Variants in NPSR1 observed in about 807,000 individuals in gnomAD.
NPSR1 encodes neuropeptide S receptor.
NPSR1 carries 48 observed loss-of-function variants against 46.9 expected under a neutral mutation model. The ratio of observed to expected loss-of-function variants is 1.02; its 90% CI spans 0.81 to 1.30. The LOEUF (loss-of-function observed/expected upper bound fraction) is 1.30. Among genes scored for constraint, NPSR1 ranks in the 50% most tolerant of loss-of-function variants. NPSR1 has a pLI of 0.00. For synonymous variants in NPSR1, 176 were observed against 168.1 expected (o/e 1.05, Z -0.36); for missense variants, 450 against 449.5 (o/e 1.00, Z -0.01).
intron 2 of NPSR1, among the ~76,000 whole-genome samples, chr7:34,742,800 G>A (rs1419762105): frequency 6.6e-6 from 1 of 152,074 alleles, no homozygotes; most frequent in Non-Finnish European, 1.5e-5. Context: ...CCTTTTCTCT[G>A]CAACGTCACC....
At chr7:34,736,526 A>G (rs184290631) in intron 2 of NPSR1, among the ~76,000 whole-genome samples, 2 of 152,248 alleles carry the variant, frequency 1.3e-5, no homozygotes, top group East Asian at 3.9e-4. Context: ...TGGCGAACAA[A>G]GCTGGAAACA....
At chr7:34,823,418 AAC>A (rs1789668543) in intron 4 of NPSR1, among the ~76,000 whole-genome samples, 2 of 120,948 alleles carry the variant, frequency 1.7e-5, no homozygotes, top group African/African-American at 4.2e-5. Context: ...AAAAAAAAAC[AAC>A]ACCATAAATG....
intron 2 of NPSR1, chr7:34,751,316 T>C (rs867046288): frequency 5.0e-6 from 5 of 1,007,130 alleles, no homozygotes; most frequent in South Asian, 3.8e-5. Context: ...AAAGTGGTAC[T>C]GATCATGCAG....
chr7:34,867,604 A>G (rs542289429), intron 8 of NPSR1, among the ~76,000 whole-genome samples: 6 of 152,014 alleles, frequency 3.9e-5, no homozygotes, highest in African/African-American at 9.7e-5. Flanking sequence ...AAGTAGTGTC[A>G]TCTTTCTTCC....
chr7:34,792,717 A>ATATATATGTATATATATATTTT (rs1787982409), intron 3 of NPSR1, among the ~76,000 whole-genome samples: 1 of 105,034 alleles, frequency 9.5e-6, no homozygotes, highest in Admixed American at 1.2e-4. Flanking sequence ...ATATATATTT[A>ATATATATGTATATATATATTTT]TATATATATA....
intron 2 of NPSR1, among the ~76,000 whole-genome samples, chr7:34,689,371 C>T (rs1275569193): frequency 1.3e-5 from 2 of 151,048 alleles, no homozygotes; most frequent in African/African-American, 4.9e-5. Flanking sequence ...TTTGGGAGGC[C>T]AAGGCGGGCA....
intron 2 of NPSR1, among the ~76,000 whole-genome samples, chr7:34,695,034 A>G (rs144376527): frequency 3.7e-4 from 57 of 152,310 alleles, no homozygotes; most frequent in East Asian, 2.1e-3. Flanking sequence ...AAGCAAAAGA[A>G]AAAATCCAGA....
chr7:34,868,908 C>T (rs1453601375), intron 8 of NPSR1, among the ~76,000 whole-genome samples: 1 of 151,610 alleles, frequency 6.6e-6, no homozygotes, highest in African/African-American at 2.4e-5. Flanking sequence ...TGGCCCGGGG[C>T]AACAAACTGG....
At chr7:34,685,749 A>C (rs184868916) in intron 2 of NPSR1, 2 of 403,312 alleles carry the variant, frequency 5.0e-6, no homozygotes, top group Admixed American at 3.1e-5. Context: ...TTTCTAACAA[A>C]GTATAACAAG....
intron 8 of NPSR1, among the ~76,000 whole-genome samples, chr7:34,872,977 G>A (rs1791493448): frequency 6.7e-6 from 1 of 150,176 alleles, no homozygotes; most frequent in Admixed American, 6.6e-5. Context: ...GCTGTTTGAA[G>A]CAACTAGGCC....
intron 1 of NPSR1, among the ~76,000 whole-genome samples, chr7:34,662,039 A>T (rs1438157702): frequency 6.6e-6 from 1 of 152,168 alleles, no homozygotes; most frequent in African/African-American, 2.4e-5. Flanking sequence ...TCTGATACTT[A>T]ATGAGAAACC....
chr7:34,804,556 A>ATT (rs1425857792), intron 3 of NPSR1, among the ~76,000 whole-genome samples: 9 of 152,080 alleles, frequency 5.9e-5, no homozygotes, highest in African/African-American at 2.2e-4. Flanking sequence ...AAAAAACCAT[A>ATT]CAGTTAACCT....
At chr7:34,686,818 T>C (rs1792951342) in intron 2 of NPSR1, among the ~76,000 whole-genome samples, 1 of 152,118 alleles carries the variant, frequency 6.6e-6, no homozygotes, top group South Asian at 2.1e-4. Context: ...TTTCAGGTAA[T>C]ATAATGATAT....
At chr7:34,752,071 C>T (rs1405553822) in intron 2 of NPSR1, 23 of 617,880 alleles carry the variant, frequency 3.7e-5, no homozygotes, top group East Asian at 1.2e-4. Context: ...TTTCTGCAAC[C>T]GGTGACGGGG....
intron 2 of NPSR1, among the ~76,000 whole-genome samples, chr7:34,776,428 TTG>T (rs1786961159): frequency 6.6e-6 from 1 of 152,172 alleles, no homozygotes; most frequent in African/African-American, 2.4e-5. Flanking sequence ...TCTTGCTGAA[TTG>T]ACCCCTTTTT....
chr7:34,873,213 C>A (rs1311324279), intron 8 of NPSR1, among the ~76,000 whole-genome samples: 1 of 151,792 alleles, frequency 6.6e-6, no homozygotes, highest in East Asian at 1.9e-4. Context: ...TGGTCACAAC[C>A]ATTTAGCCAG....
chr7:34,840,188 T>C (rs1412070616), intron 6 of NPSR1, among the ~76,000 whole-genome samples: 1 of 152,144 alleles, frequency 6.6e-6, no homozygotes, highest in Non-Finnish European at 1.5e-5. Flanking sequence ...TTCAGAGATA[T>C]GCAGCCATGC....
intron 7 of NPSR1, among the ~76,000 whole-genome samples, chr7:34,846,089 A>G (rs1790733000): frequency 6.6e-6 from 1 of 152,188 alleles, no homozygotes; most frequent in African/African-American, 2.4e-5. Flanking sequence ...GGGATAAAAC[A>G]TATACAACCC....
chr7:34,821,224 T>A (rs1789546347), intron 4 of NPSR1, among the ~76,000 whole-genome samples: 1 of 142,234 alleles, frequency 7.0e-6, no homozygotes, highest in Non-Finnish European at 1.5e-5. Context: ...AACTTCTGCC[T>A]CCCAGGTTCA....
Sources: gnomAD v4.1 joint callset for allele counts (sites outside exome capture counted in the v4.1 genomes callset) on GRCh38, gnomAD v4.1.1 for gene constraint, MANE v1.5 for transcripts, NCBI Gene and HGNC (gene_info 2026-07-23, HGNC 2026-07-21) for gene names.